The following RAD17 variants were observed in gnomAD, a reference collection of about 807,000 sequenced individuals.
The protein encoded by RAD17 is RAD17 checkpoint clamp loader component.
RAD17 carries 31 observed loss-of-function variants against 81.5 expected under a neutral mutation model. That is an observed-to-expected ratio of 0.38 (90% CI 0.29 to 0.51). The LOEUF (loss-of-function observed/expected upper bound fraction) is 0.51. Ranked by LOEUF, RAD17 falls within the 20% of genes least tolerant of loss-of-function variation. The pLI, the probability that RAD17 is intolerant of heterozygous loss-of-function variation, is 0.88. For synonymous variants in RAD17, 261 were observed against 266.2 expected (o/e 0.98, Z 0.19); for missense variants, 681 against 781.2 (o/e 0.87, Z 1.53).
At chr5:69,407,562 G>GTTTT (rs550222595) in intron 17 of RAD17, among the ~76,000 whole-genome samples, 2,060 of 41,032 alleles carry the variant, frequency 0.05, 706 homozygotes, top group East Asian at 0.11. Context: ...CTATGTCCAA[G>GTTTT]TTTTTTTTTT....
chr5:69,388,735 T>G (rs1179053686), intron 11 of RAD17, among the ~76,000 whole-genome samples: 3 of 152,144 alleles, frequency 2.0e-5, no homozygotes, highest in Non-Finnish European at 2.9e-5. Context: ...GCCTCCCAAG[T>G]AGCAGGGACT....
chr5:69,405,229 C>T (rs1389644303), intron 17 of RAD17, among the ~76,000 whole-genome samples: 2 of 151,868 alleles, frequency 1.3e-5, no homozygotes, highest in Non-Finnish European at 2.9e-5. Flanking sequence ...ATAGGCCGGG[C>T]GCAGTGGCTC....
intron 13 of RAD17, 138 bp from the exon 14 acceptor site, chr5:69,393,013 GTTTT>G (rs1764640642): frequency 3.6e-6 from 2 of 550,728 alleles, no homozygotes; most frequent in Non-Finnish European, 6.3e-6. Flanking sequence ...GCTTCCAGTT[GTTTT>G]TTATTTATTT....
At chr5:69,412,984 C>CAAAA (rs58817125) in intron 18 of RAD17, among the ~76,000 whole-genome samples, 1 of 145,016 alleles carries the variant, frequency 6.9e-6, no homozygotes, top group Non-Finnish European at 1.5e-5. Flanking sequence ...AAGACTGTCT[C>CAAAA]AAAAAAAAAA....
chr5:69,369,482 A>C (rs562855022), upstream of RAD17: 92 of 1,611,184 alleles, frequency 5.7e-5, 1 homozygote, highest in African/African-American at 1.0e-3. Flanking sequence ...GGATGTTCGG[A>C]AGCAACATGG....
chr5:69,390,140 G>T (rs1226202183), intron 12 of RAD17, among the ~76,000 whole-genome samples: 2 of 152,170 alleles, frequency 1.3e-5, no homozygotes, highest in Admixed American at 1.3e-4. Context: ...TCCTTCAGAA[G>T]GCATTTAGCA....
At chr5:69,369,531 C>T (rs760502949), upstream of RAD17, 14 of 1,611,430 alleles carry the variant, frequency 8.7e-6, no homozygotes, top group Admixed American at 1.7e-5. Flanking sequence ...GCTCACGTGC[C>T]CTTTGCTCTA....
chr5:69,394,525 T>C (rs955704415), intron 15 of RAD17, among the ~76,000 whole-genome samples: 1 of 152,212 alleles, frequency 6.6e-6, no homozygotes, highest in East Asian at 1.9e-4. Context: ...AATTTGTATT[T>C]TGTTCTTAAC....
Position 69,393,340 on chromosome 5 carries a change from G to A in RAD17, c.1276-14G>A. ...ATTTTTACCAAATTTATGTATATAT[G>A]CTTCTTTTTATAGGAGGTAGTAGAA... is the stretch of plus-strand genomic sequence containing the variant. On this transcript the variant is annotated splice_polypyrimidine_tract_variant and intron_variant, in intron 14 of 18. Coordinates refer to ENST00000354868, the MANE Select transcript of RAD17 (RefSeq NM_133338.3). 1.9e-6 allele frequency: 3 copies of A among 1,585,440 alleles called. No homozygotes were observed. The highest frequency in any genetic ancestry group is 2.2e-5 in the East Asian group (1 of 44,640).
At chr5:69,405,195 T>G (rs984562026) in intron 17 of RAD17, among the ~76,000 whole-genome samples, 2 of 152,160 alleles carry the variant, frequency 1.3e-5, no homozygotes, top group Middle Eastern at 3.4e-3. Flanking sequence ...AGGAACAGTA[T>G]GGAGGTTCCT....
At chr5:69,405,738 T>G (rs1037214459) in intron 17 of RAD17, among the ~76,000 whole-genome samples, 2 of 150,276 alleles carry the variant, frequency 1.3e-5, no homozygotes, top group Non-Finnish European at 3.0e-5. Flanking sequence ...ACTGGACATA[T>G]ATCCAAAGAA....
chr5:69,407,422 C>T (rs1185757538), intron 17 of RAD17, among the ~76,000 whole-genome samples: 2 of 151,874 alleles, frequency 1.3e-5, no homozygotes, highest in Non-Finnish European at 2.9e-5. Context: ...TCATTTTCAG[C>T]CATTATTTCT....
intron 6 of RAD17, among the ~76,000 whole-genome samples, chr5:69,381,548 T>C (rs1384489311): frequency 6.6e-6 from 1 of 151,938 alleles, no homozygotes; most frequent in Non-Finnish European, 1.5e-5. Flanking sequence ...AGACATCACC[T>C]CCCTAATTTA....
intron 15 of RAD17, among the ~76,000 whole-genome samples, chr5:69,396,046 T>C: frequency 2.0e-5 from 3 of 152,270 alleles, no homozygotes; most frequent in African/African-American, 7.2e-5. Context: ...ATTAGTTACA[T>C]TAACTAATTA....
At chr5:69,405,464 C>A (rs894111635) in intron 17 of RAD17, among the ~76,000 whole-genome samples, 81 of 150,372 alleles carry the variant, frequency 5.4e-4, no homozygotes, top group Non-Finnish European at 8.9e-5. Context: ...GTCGGGAGTT[C>A]GAGACTAGCC....
intron 15 of RAD17, among the ~76,000 whole-genome samples, chr5:69,394,085 T>TA (rs1172309280): frequency 6.8e-6 from 1 of 146,362 alleles, no homozygotes; most frequent in Non-Finnish European, 1.5e-5. Context: ...GACAGCGTCT[T>TA]ACTTTTTTGC....
At chr5:69,396,828 A>ATTTTTTAT (rs1422843563) in intron 16 of RAD17, among the ~76,000 whole-genome samples, 2 of 151,902 alleles carry the variant, frequency 1.3e-5, no homozygotes, top group African/African-American at 2.4e-5. Flanking sequence ...ATTTTATTTT[A>ATTTTTTAT]TTTTTTATTT....
chr5:69,391,050 A>G (rs1764524502), intron 12 of RAD17, among the ~76,000 whole-genome samples: 1 of 151,958 alleles, frequency 6.6e-6, no homozygotes. Context: ...CAGCCTGGCC[A>G]ACATGGTGAA....
chr5:69,399,479 A>T (rs1765116858), intron 16 of RAD17, among the ~76,000 whole-genome samples: 1 of 152,170 alleles, frequency 6.6e-6, no homozygotes, highest in African/African-American at 2.4e-5. Flanking sequence ...CATACAGCTG[A>T]AAATTACCCT....
Sources: gnomAD v4.1 joint callset for allele counts (sites outside exome capture counted in the v4.1 genomes callset) on GRCh38, gnomAD v4.1.1 for gene constraint, MANE v1.5 for transcripts, NCBI Gene and HGNC (gene_info 2026-07-23, HGNC 2026-07-21) for gene names.